The following BMP2 variants were observed in gnomAD, a reference collection of about 807,000 sequenced individuals.
BMP2 encodes the protein bone morphogenetic protein 2, also known as bone morphogenetic protein 2A.
Under a neutral mutation model 28.8 loss-of-function variants are expected in BMP2, and 2 were observed. That is an observed-to-expected ratio of 0.07 (90% CI 0.03 to 0.22). The LOEUF is 0.22. Ranked by LOEUF, BMP2 falls within the 10% of genes least tolerant of loss-of-function variation. The pLI is 1.00. For missense variants in BMP2, 437 were observed against 517.7 expected, an observed-to-expected ratio of 0.84 and a Z score of 1.51; for synonymous variants, 218 against 204.3, an observed-to-expected ratio of 1.07 and a Z score of -0.57.
intron 2 of BMP2, among the ~76,000 whole-genome samples, chr20:6,773,792 T>C (rs1186982236): frequency 6.6e-6 from 1 of 152,222 alleles, no homozygotes; most frequent in Non-Finnish European, 1.5e-5. Context: ...TCTTATATTA[T>C]ACTCAGCCTC....
intron 2 of BMP2, among the ~76,000 whole-genome samples, chr20:6,773,190 A>G (rs976208937): frequency 6.6e-6 from 1 of 152,212 alleles, no homozygotes; most frequent in Non-Finnish European, 1.5e-5. Flanking sequence ...CTCTTTCCAC[A>G]AATATAATTA....
rs756991680 is a variant in BMP2, at chr20:6,778,593, A to T, written c.695A>T (p.His232Leu). Reference sequence around the variant, plus strand: ...CATGGATTCGTGGTGGAAGTGGCCCACTTGGAGGAGAAACAAGGTGTCTCC... The same window carrying T: ...CATGGATTCGTGGTGGAAGTGGCCCTCTTGGAGGAGAAACAAGGTGTCTCC... ...ANHGFVVEVA[H>L]LEEKQGVSKR... Residue 232 changes from histidine (H) to leucine (L), a missense_variant, in exon 3 of 3, where the codon CAC becomes CTC. This residue lies in a region of BMP2 where 363 missense variants were observed against 392.8 expected (regional missense o/e 0.92). Transcript: ENST00000378827. This position sits in a 1 kb window ranked among gnomAD's most constrained non-coding sequence, Gnocchi z 5.0. 58 of 1,614,130 alleles carry T rather than the reference A, an allele frequency of 3.6e-5. No individual in the cohort carries two copies. The highest frequency in any genetic ancestry group is 4.9e-5 in the Non-Finnish European group (58 of 1,180,010).
chr20:6,768,778 C>A lies in BMP2; in HGVS notation c.-105C>A. On this transcript the variant is annotated 5_prime_UTR_variant, in exon 1 of 3. Transcript: ENST00000378827. ...CAAAGAAAAGGAACGGACATTCGGT[C>A]CTTGCGCCAGGTCCTTTGACCAGAG... 1 of 398,546 alleles carries A rather than the reference C, an allele frequency of 2.5e-6. No individual in the cohort carries two copies. Among genetic ancestry groups the A allele is most frequent in the South Asian group, 1.3e-4 (1 of 7,792 alleles). The allele number at this position is 398,546 out of a possible 1,614,324, so 24.7% of individuals were successfully genotyped here. A position where few individuals can be genotyped will look rare whatever the true frequency, so the allele number is the denominator to read the frequency against.
chr20:6,772,053 G>A (rs1226391551), intron 2 of BMP2, among the ~76,000 whole-genome samples: 2 of 152,218 alleles, frequency 1.3e-5, no homozygotes, highest in East Asian at 1.9e-4. Context: ...TTTAAGGCCT[G>A]GAAGATGCTG....
At chr20:6,772,159 C>T (rs142374181) in intron 2 of BMP2, among the ~76,000 whole-genome samples, 132 of 152,294 alleles carry the variant, frequency 8.7e-4, no homozygotes, top group African/African-American at 3.2e-3. Flanking sequence ...TCTGCATATT[C>T]TCATCATTCA....
intron 1 of BMP2, 69 bp from the exon 2 acceptor site, chr20:6,770,051 G>A: frequency 6.9e-7 from 1 of 1,449,202 alleles, no homozygotes; most frequent in African/African-American, 1.4e-5. Flanking sequence ...TGGGAGACCG[G>A]GCCGCGGGGG....
Position 6,768,577 on chromosome 20 carries a change from G to T in BMP2, c.-306G>T. 1 of 394,638 alleles carries T rather than the reference G, an allele frequency of 2.5e-6. No homozygotes were observed. The highest frequency in any genetic ancestry group is 4.5e-6 in the Non-Finnish European group (1 of 223,876). The allele number at this position is 394,638 out of a possible 1,614,324, so 24.4% of individuals were successfully genotyped here. A position where few individuals can be genotyped will look rare whatever the true frequency, so the allele number is the denominator to read the frequency against. ...ACTTGGCTGGGGACTTCTTGAACTT[G>T]CAGGGAGAATAACTTGCGCACCCCA... is the stretch of plus-strand genomic sequence containing the variant. On this transcript the variant is annotated 5_prime_UTR_variant, in exon 1 of 3. Transcript: ENST00000378827.
At chr20:6,775,054 A>C (rs1464331519) in intron 2 of BMP2, among the ~76,000 whole-genome samples, 1 of 152,196 alleles carries the variant, frequency 6.6e-6, no homozygotes, top group Non-Finnish European at 1.5e-5. Flanking sequence ...ACTCGGGTCA[A>C]AGACAGGTCG....
chr20:6,767,873 C>T lies in BMP2; in HGVS notation c.-1010C>T, dbSNP rs1418684637. ...CAGCGCCGAGTGGATCACCGGGGACCGCGAGGCACCCGCGCGCCGCAGACC... is the reference window on the plus strand; with the variant it reads ...CAGCGCCGAGTGGATCACCGGGGACTGCGAGGCACCCGCGCGCCGCAGACC... On this transcript the variant is annotated 5_prime_UTR_variant, in exon 1 of 3. Transcript: ENST00000378827. The T allele has an allele frequency of 2.5e-5, 9 of 359,016 alleles. No homozygotes were observed. The highest frequency in any genetic ancestry group is 4.7e-5 in the Admixed American group (1 of 21,324). The allele number at this position is 359,016 out of a possible 1,614,324, so 22.2% of individuals were successfully genotyped here.
chr20:6,771,313 C>T (rs1294387024), intron 2 of BMP2, among the ~76,000 whole-genome samples: 2 of 152,136 alleles, frequency 1.3e-5, no homozygotes, highest in African/African-American at 4.8e-5. Context: ...TCTGCTGTAC[C>T]TAAGTTCTTA....
chr20:6,775,486 A>G (rs75497367), intron 2 of BMP2, among the ~76,000 whole-genome samples: 1,606 of 152,242 alleles, frequency 0.011, 20 homozygotes, highest in Non-Finnish European at 0.012. Flanking sequence ...AAGGTCAGAG[A>G]AAGATCTTCG....
rs781113834 is a variant in BMP2, at chr20:6,778,495, G to A, written c.597G>A (p.Gln199=). Residue 199 remains glutamine (Q), a synonymous_variant, in exon 3 of 3, where the codon CAG becomes CAA. Transcript: ENST00000378827. The surrounding 1 kb of genome is among the most constrained non-coding windows in gnomAD (Gnocchi z 5.0). ...TTTTGGACACCAGGTTGGTGAATCA[G>A]AATGCAAGCAGGTGGGAAAGTTTTG... ...TRLLDTRLVN[Q]NASRWESFDV... is the part of the protein sequence containing the mutation. The A allele has an allele frequency of 6.2e-7, 1 of 1,614,210 alleles. No individual in the cohort carries two copies. Among genetic ancestry groups the A allele is most frequent in the Admixed American group, 1.7e-5 (1 of 60,032 alleles).
At chr20:6,776,122 G>A (rs1292019143) in intron 2 of BMP2, among the ~76,000 whole-genome samples, 6 of 152,106 alleles carry the variant, frequency 3.9e-5, no homozygotes, top group Non-Finnish European at 8.8e-5. Context: ...GAAAAAAACA[G>A]GCCAAACACA....
chr20:6,780,195 A>G lies in BMP2; in HGVS notation c.*1106A>G, dbSNP rs1300858754. ...TTTCCAAGGTTGTGTGTTTGAACAC[A>G]TTTCTCCAAATGTTAAACCTATTTC... On this transcript the variant is annotated 3_prime_UTR_variant, in exon 3 of 3. Coordinates refer to ENST00000378827, the MANE Select transcript of BMP2 (RefSeq NM_001200.4). The G allele has an allele frequency of 6.6e-6, 1 of 152,586 alleles. No individual in the cohort carries two copies. The highest frequency in any genetic ancestry group is 2.4e-5 in the African/African-American group (1 of 41,436). 9.5% of individuals were successfully genotyped at this position (152,586 alleles called of 1,614,324 possible).
intron 2 of BMP2, among the ~76,000 whole-genome samples, chr20:6,771,859 CAT>C (rs1482766537): frequency 6.6e-6 from 1 of 152,146 alleles, no homozygotes; most frequent in Non-Finnish European, 1.5e-5. Context: ...CACCTGTTGT[CAT>C]ATGTAAAATT....
Position 6,772,021 on chromosome 20 carries a change from C to T in BMP2, c.346+1549C>T, listed in dbSNP as rs140819408. ...TTAGACACCTCTTCTGGAAATTTAG[C>T]ATGGAAGCTCTCAACTTTATTTTTA... On this transcript the variant is annotated intron_variant, in intron 2 of 2. Coordinates refer to ENST00000378827, the MANE Select transcript of BMP2 (RefSeq NM_001200.4). Among the ~76,000 whole-genome samples, 147 of 152,202 alleles carry T rather than the reference C, an allele frequency of 9.7e-4. 1 individual carries two copies. Among genetic ancestry groups the T allele is most frequent in the African/African-American group, 3.3e-3 (135 of 41,532 alleles).
At chr20:6,773,331 C>T (rs1986436842) in intron 2 of BMP2, among the ~76,000 whole-genome samples, 1 of 152,190 alleles carries the variant, frequency 6.6e-6, no homozygotes, top group South Asian at 2.1e-4. Flanking sequence ...CAATACTTAC[C>T]TGGTATGGTT....
intron 1 of BMP2, among the ~76,000 whole-genome samples, chr20:6,769,612 GGTGTGT>G (rs61071559): frequency 1.8e-3 from 247 of 139,998 alleles, no homozygotes; most frequent in Non-Finnish European, 2.1e-3. Flanking sequence ...AAGCTATAAG[GGTGTGT>G]GTGTGTGTGT....
intron 2 of BMP2, among the ~76,000 whole-genome samples, chr20:6,776,554 G>T (rs1986505042): frequency 6.6e-6 from 1 of 152,210 alleles, no homozygotes. Flanking sequence ...TCCAAGTGTG[G>T]TCTTACAGTT....
Sources: gnomAD v4.1 joint callset for allele counts (sites outside exome capture counted in the v4.1 genomes callset) on GRCh38, gnomAD v4.1.1 for gene constraint, gnomAD v4.1.1 regional missense constraint, Gnocchi (gnomAD v3.1) non-coding constraint, MANE v1.5 for transcripts, NCBI Gene and HGNC (gene_info 2026-07-23, HGNC 2026-07-21) for gene names.